Variants in SPMIP2 observed in about 807,000 individuals in gnomAD.
The protein encoded by SPMIP2 is sperm microtubule inner protein 2.
chr4:158,912,942 T>G, the SPMIP2 span, among the ~76,000 whole-genome samples: 1 of 152,228 alleles, frequency 6.6e-6, no homozygotes, highest in Non-Finnish European at 1.5e-5. Flanking sequence ...TGTGATGCAC[T>G]GAGCATGAGG....
At chr4:158,980,026 T>C in the SPMIP2 span, among the ~76,000 whole-genome samples, 1 of 151,770 alleles carries the variant, frequency 6.6e-6, no homozygotes, top group Non-Finnish European at 1.5e-5. Context: ...TGGGGAGGGG[T>C]ATCCACCATT....
At chr4:158,902,643 C>G in the SPMIP2 span, among the ~76,000 whole-genome samples, 23 of 152,240 alleles carry the variant, frequency 1.5e-4, no homozygotes, top group Non-Finnish European at 2.8e-4. Flanking sequence ...CTATAAACCC[C>G]TAACTGGGGC....
the SPMIP2 span, among the ~76,000 whole-genome samples, chr4:159,005,300 C>T: frequency 6.6e-6 from 1 of 150,830 alleles, no homozygotes; most frequent in Non-Finnish European, 1.5e-5. Context: ...AAAAATTAGC[C>T]GGGCATGGTG....
the SPMIP2 span, among the ~76,000 whole-genome samples, chr4:158,942,937 T>C: frequency 1.3e-5 from 2 of 152,232 alleles, no homozygotes; most frequent in African/African-American, 4.8e-5. Context: ...GGGCAGGAAT[T>C]ACGTTTTATT....
chr4:158,927,789 A>C, the SPMIP2 span, among the ~76,000 whole-genome samples: 2 of 151,970 alleles, frequency 1.3e-5, no homozygotes, highest in Admixed American at 1.3e-4. Flanking sequence ...TGGGCCCCGC[A>C]CTCGGAGCAG....
the SPMIP2 span, among the ~76,000 whole-genome samples, chr4:159,009,815 A>C: frequency 7.8e-4 from 119 of 152,160 alleles, no homozygotes; most frequent in Non-Finnish European, 1.2e-3. Flanking sequence ...TGTTAATAAA[A>C]AAAAATGCAA....
chr4:159,072,020 T>C, the SPMIP2 span, among the ~76,000 whole-genome samples: 2 of 152,222 alleles, frequency 1.3e-5, no homozygotes, highest in African/African-American at 2.4e-5. Context: ...GAAGTAACAA[T>C]AGCAGTTAGA....
the SPMIP2 span, among the ~76,000 whole-genome samples, chr4:158,995,707 A>C: frequency 6.6e-6 from 1 of 152,054 alleles, no homozygotes; most frequent in African/African-American, 2.4e-5. Context: ...AAATACAAAA[A>C]TTAGCTGGGC....
the SPMIP2 span, among the ~76,000 whole-genome samples, chr4:158,982,707 G>C: frequency 6.6e-6 from 1 of 152,142 alleles, no homozygotes; most frequent in Non-Finnish European, 1.5e-5. Flanking sequence ...CAGAATCTCT[G>C]GGACACAGGT....
chr4:158,970,836 G>A, the SPMIP2 span, among the ~76,000 whole-genome samples: 2 of 152,124 alleles, frequency 1.3e-5, no homozygotes, highest in Admixed American at 6.5e-5. Context: ...CCAAGAAAGT[G>A]CACAGATGAG....
chr4:159,019,988 C>T, the SPMIP2 span, among the ~76,000 whole-genome samples: 2 of 152,166 alleles, frequency 1.3e-5, no homozygotes, highest in African/African-American at 4.8e-5. Flanking sequence ...GGCATGGTGG[C>T]ACATGCCTGT....
At chr4:159,068,679 A>G in the SPMIP2 span, among the ~76,000 whole-genome samples, 4 of 151,512 alleles carry the variant, frequency 2.6e-5, no homozygotes, top group South Asian at 8.3e-4. Flanking sequence ...AAATAAATAA[A>G]TAAATAAAAA....
the SPMIP2 span, among the ~76,000 whole-genome samples, chr4:158,969,080 T>C: frequency 1.3e-5 from 2 of 152,214 alleles, no homozygotes; most frequent in African/African-American, 4.8e-5. Context: ...TTTAATATTT[T>C]CTTTGGGGTC....
the SPMIP2 span, among the ~76,000 whole-genome samples, chr4:159,046,872 C>T: frequency 2.9e-4 from 44 of 152,354 alleles, no homozygotes; most frequent in East Asian, 6.4e-3. Context: ...TACGCCCAGC[C>T]CTTCAGCTGT....
At chr4:158,987,919 G>A in the SPMIP2 span, among the ~76,000 whole-genome samples, 2 of 151,906 alleles carry the variant, frequency 1.3e-5, no homozygotes, top group Admixed American at 1.3e-4. Flanking sequence ...AGGAGATAGA[G>A]ACACAAAAAA....
the SPMIP2 span, among the ~76,000 whole-genome samples, chr4:159,073,061 G>A: frequency 1.3e-5 from 2 of 152,272 alleles, no homozygotes; most frequent in East Asian, 3.9e-4. Flanking sequence ...TTTGTCTTTT[G>A]TGCTGTGTTT....
At chr4:159,038,394 T>C in the SPMIP2 span, among the ~76,000 whole-genome samples, 52 of 152,192 alleles carry the variant, frequency 3.4e-4, 1 homozygote, top group Non-Finnish European at 7.3e-5. Context: ...GTTAGTGTGA[T>C]TGAACATGCT....
chr4:158,971,596 T>G, the SPMIP2 span, among the ~76,000 whole-genome samples: 4 of 152,206 alleles, frequency 2.6e-5, no homozygotes, highest in Non-Finnish European at 5.9e-5. Flanking sequence ...GATGTCAGCC[T>G]GGTGCCAGGA....
At chr4:158,893,703 TTAA>T in the SPMIP2 span, 9 of 1,589,018 alleles carry the variant, frequency 5.7e-6, no homozygotes, top group South Asian at 9.1e-5. Flanking sequence ...GATTTAGAGG[TTAA>T]TGTTTCCTTT....
Sources: allele counts gnomAD v4.1 joint callset (sites outside exome capture counted in the v4.1 genomes callset), GRCh38; gene constraint gnomAD v4.1.1; transcripts MANE v1.5; gene names NCBI Gene and HGNC (gene_info 2026-07-23, HGNC 2026-07-21).